RALYL: variants seen among roughly 807,000 people sequenced by gnomAD.
RALYL encodes the protein RNA-binding Raly-like protein.
In RALYL, 29 loss-of-function variants were observed where a neutral mutation model predicts 35.1. The observed-to-expected ratio is 0.83, with a 90% CI of 0.61 to 1.13. RALYL has a LOEUF of 1.13. RALYL is among the 50% of genes most tolerant of loss of function. RALYL has a pLI of 0.00. For missense variants in RALYL, 359 were observed against 360.4 expected, an observed-to-expected ratio of 1.00 and a Z score of 0.03; for synonymous variants, 120 against 127.6, an observed-to-expected ratio of 0.94 and a Z score of 0.40.
rs1481453741 is a variant in RALYL at position 84,850,037 on chromosome 8, T to G, written c.413+10T>G. The G allele has an allele frequency of 1.4e-6, 2 of 1,432,114 alleles. No individual in the cohort carries two copies. Among genetic ancestry groups the G allele is most frequent in the East Asian group, 5.2e-5 (2 of 38,158 alleles). The allele number at this position is 1,432,114 out of a possible 1,614,324, so 88.7% of individuals were successfully genotyped here. On this transcript the variant is annotated intron_variant, in intron 5 of 8. Transcript: ENST00000521268. Reference sequence around the variant, plus strand: ...ATGATTTCTACAATCGGTATGTGAATTTTTCATCCTTGTTTTCCTATGACT... The same window carrying G: ...ATGATTTCTACAATCGGTATGTGAAGTTTTCATCCTTGTTTTCCTATGACT...
At chr8:84,790,073 T>C (rs1300426610) in intron 3 of RALYL, among the ~76,000 whole-genome samples, 2 of 152,184 alleles carry the variant, frequency 1.3e-5, no homozygotes, top group Non-Finnish European at 2.9e-5. Flanking sequence ...AGGCAGTTAG[T>C]AGTCTCACTG....
chr8:84,875,073 G>A (rs1050866512), intron 7 of RALYL, among the ~76,000 whole-genome samples: 3 of 151,974 alleles, frequency 2.0e-5, no homozygotes, highest in Non-Finnish European at 4.4e-5. Flanking sequence ...ATTCAGAAAG[G>A]CATACTTGCC....
At chr8:84,383,628 G>C (rs573004724) in intron 1 of RALYL, among the ~76,000 whole-genome samples, 1 of 151,728 alleles carries the variant, frequency 6.6e-6, no homozygotes, top group South Asian at 2.1e-4. Flanking sequence ...ATTGCACCCA[G>C]TGATGTGTTG....
At chr8:84,517,761 T>TTATCCATG (rs2058169921) in intron 1 of RALYL, among the ~76,000 whole-genome samples, 2 of 152,210 alleles carry the variant, frequency 1.3e-5, no homozygotes, top group African/African-American at 4.8e-5. Context: ...AATTTCTAAC[T>TTATCCATG]TATCCATGTA....
intron 1 of RALYL, among the ~76,000 whole-genome samples, chr8:84,384,205 A>G (rs148437879): frequency 0.017 from 2,594 of 151,846 alleles, 72 homozygotes; most frequent in African/African-American, 0.059. Flanking sequence ...TTCCTTTAAA[A>G]TGGGGATAAC....
At position 84,895,932 on chromosome 8, in the gene RALYL, T is replaced by A. The variant is rs145515969; in HGVS notation, c.858+8156T>A. ...CACAGTTATATTAATAATAAAAGTC[T>A]ACTGGCTTTATATCAGCCTCTGCAT... On this transcript the variant is annotated intron_variant, in intron 8 of 8. Transcript: ENST00000521268. Among the ~76,000 whole-genome samples, 761 of 152,332 alleles carry A rather than the reference T, an allele frequency of 5.0e-3. 8 individuals are homozygous for A. Among genetic ancestry groups the A allele is most frequent in the Non-Finnish European group, 7.6e-3 (516 of 68,020 alleles).
In RALYL at chr8:84,464,043, T is replaced by C. The variant is rs957098689; in HGVS notation, c.-23-65256T>C. ...ATATTCTTCCATGCTGTTGCATTTA[T>C]CAGTAGTGAGTTCCTTTTTTATTAA... On this transcript the variant is annotated intron_variant, in intron 1 of 8. Coordinates refer to ENST00000521268, the MANE Select transcript of RALYL (RefSeq NM_173848.7). Among the ~76,000 whole-genome samples, 6 of 152,058 alleles carry C rather than the reference T, an allele frequency of 3.9e-5. No individual in the cohort carries two copies. In the East Asian group the frequency reaches 1.2e-3, roughly 29 times the overall value.
At chr8:84,795,491 TCTA>T (rs1821707496) in intron 3 of RALYL, among the ~76,000 whole-genome samples, 2 of 152,186 alleles carry the variant, frequency 1.3e-5, no homozygotes, top group Non-Finnish European at 2.9e-5. Flanking sequence ...AGTGTCAAAT[TCTA>T]AATATTGGCT....
chr8:84,764,734 A>G (rs1047471264), intron 2 of RALYL, among the ~76,000 whole-genome samples: 13 of 152,342 alleles, frequency 8.5e-5, no homozygotes, highest in Non-Finnish European at 7.4e-5. Flanking sequence ...AAGGCTCATT[A>G]AAATGGTCAC....
At chr8:84,644,649 C>T (rs1203343340) in intron 2 of RALYL, among the ~76,000 whole-genome samples, 1 of 151,970 alleles carries the variant, frequency 6.6e-6, no homozygotes, top group Non-Finnish European at 1.5e-5. Flanking sequence ...CCATCCCTGC[C>T]TTCCTGTGTA....
At chr8:84,369,636 C>A (rs1855268282) in intron 1 of RALYL, among the ~76,000 whole-genome samples, 1 of 152,042 alleles carries the variant, frequency 6.6e-6, no homozygotes, top group African/African-American at 2.4e-5. Flanking sequence ...TACTTTTAAA[C>A]TTAAAAACAA....
chr8:84,501,410 CAATT>C (rs1564043573), intron 1 of RALYL, among the ~76,000 whole-genome samples: 3 of 151,998 alleles, frequency 2.0e-5, no homozygotes, highest in African/African-American at 7.2e-5. Flanking sequence ...CATATGCACA[CAATT>C]AATTTTAATA....
At chr8:84,504,660 A>C (rs907326058) in intron 1 of RALYL, among the ~76,000 whole-genome samples, 1 of 152,182 alleles carries the variant, frequency 6.6e-6, no homozygotes, top group African/African-American at 2.4e-5. Context: ...ACTGTGCAGT[A>C]GCCTGAAAAG....
chr8:84,453,271 A>G (rs2049725336), intron 1 of RALYL, among the ~76,000 whole-genome samples: 1 of 151,978 alleles, frequency 6.6e-6, no homozygotes, highest in Non-Finnish European at 1.5e-5. Context: ...AATAGCACAT[A>G]TAATTCTATC....
At chr8:84,798,214 TC>T (rs1822387630) in intron 3 of RALYL, among the ~76,000 whole-genome samples, 1 of 152,170 alleles carries the variant, frequency 6.6e-6, no homozygotes, top group African/African-American at 2.4e-5. Flanking sequence ...CACATTTCCA[TC>T]TGCTGAGTAC....
At chr8:84,460,704 G>A (rs1361618638) in intron 1 of RALYL, among the ~76,000 whole-genome samples, 1 of 151,336 alleles carries the variant, frequency 6.6e-6, no homozygotes, top group Non-Finnish European at 1.5e-5. Flanking sequence ...GGAGGGTCGG[G>A]GAACAAAAGT....
intron 5 of RALYL, among the ~76,000 whole-genome samples, chr8:84,858,771 C>T (rs75739799): frequency 0.024 from 3,655 of 152,250 alleles, 148 homozygotes; most frequent in African/African-American, 0.083. Flanking sequence ...ACCCCTATAT[C>T]CCATCTTGCA....
Position 84,192,607 on chromosome 8 carries a change from G to A in RALYL, c.-24+8183G>A, listed in dbSNP as rs145562282. On this transcript the variant is annotated intron_variant, in intron 1 of 8. Transcript: ENST00000521268. ...AAGTCTTGCTCTGTTGCCTAGGCTA[G>A]AGTGCAGTGACACGATTTCGGCTCA... Among the ~76,000 whole-genome samples, 506 of 151,632 alleles carry A rather than the reference G, an allele frequency of 3.3e-3. 2 individuals are homozygous for A. The highest frequency in any genetic ancestry group is 0.014 in the Middle Eastern group (4 of 290).
chr8:84,383,222 G>C (rs1858393422), intron 1 of RALYL, among the ~76,000 whole-genome samples: 2 of 151,750 alleles, frequency 1.3e-5, no homozygotes, highest in Admixed American at 1.3e-4. Flanking sequence ...AATACATGTG[G>C]ATCACTTTCA....
Sources: allele counts gnomAD v4.1 joint callset (sites outside exome capture counted in the v4.1 genomes callset), GRCh38; gene constraint gnomAD v4.1.1; transcripts MANE v1.5; gene names NCBI Gene and HGNC (gene_info 2026-07-23, HGNC 2026-07-21).